RMC1: variants seen among roughly 807,000 people sequenced by gnomAD.
The protein encoded by RMC1 is regulator of MON1-CCZ1, also known as regulator of MON1-CCZ1 complex.
A neutral mutation model predicts 95.5 loss-of-function variants in RMC1; 44 were observed. The ratio of observed to expected loss-of-function variants is 0.46; its 90% confidence interval spans 0.36 to 0.59. The LOEUF (loss-of-function observed/expected upper bound fraction) is 0.59, where lower values mean the gene tolerates loss of function less well. Among genes scored for constraint, RMC1 ranks in the 20% least tolerant of loss-of-function variants. The probability of loss-of-function intolerance (pLI) is 0.00; values close to 1 mark genes in which losing one functional copy is unlikely to be tolerated. For missense variants in RMC1, 705 were observed against 819.6 expected (o/e 0.86, Z 1.71); for synonymous variants, 320 against 303.6 (o/e 1.05, Z -0.56).
At position 23,507,055 on chromosome 18, in the gene RMC1, G is replaced by T; in HGVS notation, c.264+1G>T. The T allele has an allele frequency of 6.3e-7, 1 of 1,586,208 alleles. No individual in the cohort carries two copies. The highest frequency in any genetic ancestry group is 8.6e-7 in the Non-Finnish European group (1 of 1,162,344). The stretch of plus-strand genomic sequence containing the variant: ...TGTTCAGAGGACCTCAAAGACTGTG[G>T]TAAGACTTATCTTTAAAATACAGCA... On this transcript the variant is annotated splice_donor_variant, in intron 3 of 19. Transcript: ENST00000269221. LOFTEE classifies it high-confidence loss of function.
chr18:23,524,701 A>C (rs1423160283), intron 12 of RMC1, among the ~76,000 whole-genome samples: 1 of 152,034 alleles, frequency 6.6e-6, no homozygotes, highest in Non-Finnish European at 1.5e-5. Flanking sequence ...ACAACTAAGA[A>C]TGCCATTCTC....
intron 12 of RMC1, among the ~76,000 whole-genome samples, chr18:23,525,420 TATAATA>T (rs527599580): frequency 2.3e-3 from 343 of 151,764 alleles, no homozygotes; most frequent in African/African-American, 7.1e-3. Context: ...GTTAATTTAT[TATAATA>T]ATAATAATAA....
rs1338336823 is a variant in RMC1, at chr18:23,516,505, C to T, written c.653+82C>T. 11 of 1,405,254 alleles carry T rather than the reference C, an allele frequency of 7.8e-6. No individual in the cohort carries two copies. The East Asian group carries it at 2.1e-4, about 27-fold the overall frequency. 87.0% of individuals were successfully genotyped at this position (1,405,254 alleles called of 1,614,324 possible). On this transcript the variant is annotated intron_variant, in intron 7 of 19. Transcript: ENST00000269221. ...TAGAAGGAGTGTGTTACAAGCACCA[C>T]GTGATGCCCTGACCCCTAGAACACA...
chr18:23,507,837 A>C (rs2057752810), intron 3 of RMC1, 148 bp from the exon 4 acceptor site: 1 of 556,546 alleles, frequency 1.8e-6, no homozygotes, highest in Non-Finnish European at 2.8e-6. Context: ...TGGTCTTTTT[A>C]TCTTTCCTGT....
chr18:23,519,211 G>A (rs994598278), intron 9 of RMC1, 37 bp downstream of exon 9: 6 of 1,579,210 alleles, frequency 3.8e-6, no homozygotes, highest in Non-Finnish European at 5.2e-6. Flanking sequence ...AGTTAAGGTT[G>A]CTTAAAAGCC....
chr18:23,503,471 T>TG (rs1415708015), upstream of RMC1: 1 of 383,312 alleles, frequency 2.6e-6, no homozygotes. Context: ...GTGGGCGGGG[T>TG]GGGGGCGTGG....
chr18:23,524,280 G>A, intron 11 of RMC1, 106 bp downstream of exon 11: 1 of 1,508,904 alleles, frequency 6.6e-7, no homozygotes, highest in East Asian at 2.3e-5. Flanking sequence ...CACTCCGAGA[G>A]CCACCCCGCA....
Position 23,529,632 on chromosome 18 carries a change from T to C in RMC1, c.1417-3T>C, listed in dbSNP as rs757043028. The C allele has an allele frequency of 2.1e-5, 34 of 1,613,712 alleles. No individual in the cohort carries two copies. Among genetic ancestry groups the C allele is most frequent in the Non-Finnish European group, 2.6e-5 (31 of 1,179,732 alleles). On this transcript the variant is annotated splice_region_variant and splice_polypyrimidine_tract_variant and intron_variant, in intron 15 of 19. Transcript: ENST00000269221. ...TTGTAAGACCACATTTTTTTCTCCC[T>C]AGGAGATGCCTCATAAATTTGTGAT...
At chr18:23,523,614 TCTGAAGG>T (rs2058208713) in intron 10 of RMC1, among the ~76,000 whole-genome samples, 1 of 145,678 alleles carries the variant, frequency 6.9e-6, no homozygotes, top group Admixed American at 6.9e-5. Flanking sequence ...TCCTAGCTAC[TCTGAAGG>T]CTGAGGCAGG....
rs1251850468 is a variant in RMC1, at chr18:23,529,240, C to A, written c.1358C>A (p.Ala453Glu). 2 of 1,614,044 alleles carry A rather than the reference C, an allele frequency of 1.2e-6. No homozygotes were observed. The highest frequency in any genetic ancestry group is 1.7e-6 in the Non-Finnish European group (2 of 1,180,010). ...CTCAAGAGGCCGGTGCGGACCCAGG[C>A]GGTGCTGGACCAGTCAGATGTGTAC... ...PLLKRPVRTQAVLDQSDVYTH... is the reference protein window; with the variant it reads ...PLLKRPVRTQEVLDQSDVYTH... The change falls in exon 15 of 20, where the codon GCG (alanine) becomes GAG (glutamate). Residue 453 changes from alanine to glutamate, a missense_variant. Ala to Glu is a moderately radical substitution (Grantham distance 107, BLOSUM62 -1). Transcript: ENST00000269221.
intron 1 of RMC1, among the ~76,000 whole-genome samples, chr18:23,504,000 C>T (rs1460824177): frequency 6.6e-6 from 1 of 152,214 alleles, no homozygotes; most frequent in Admixed American, 6.5e-5. Flanking sequence ...ATCTAGGCTT[C>T]TTTTGTTGTG....
At chr18:23,526,614 AT>A in intron 12 of RMC1, 22 bp from the exon 13 acceptor site, 1 of 1,612,324 alleles carries the variant, frequency 6.2e-7, no homozygotes. Flanking sequence ...ATACTGTTTT[AT>A]TTGCTGCCTC....
intron 7 of RMC1, among the ~76,000 whole-genome samples, chr18:23,517,475 A>C (rs1351416348): frequency 6.6e-6 from 1 of 152,082 alleles, no homozygotes; most frequent in East Asian, 1.9e-4. Context: ...CATTTGAAAA[A>C]GTGGATATCT....
At chr18:23,529,461 A>C in intron 15 of RMC1, 163 bp downstream of exon 15, 1 of 1,275,662 alleles carries the variant, frequency 7.8e-7, no homozygotes. Context: ...TCTAATGCTG[A>C]GGCCTAAAGC....
intron 12 of RMC1, 52 bp downstream of exon 12, chr18:23,524,534 G>T (rs1482089704): frequency 1.3e-6 from 2 of 1,582,690 alleles, no homozygotes; most frequent in African/African-American, 1.3e-5. Flanking sequence ...TGTTGACTTT[G>T]GATCCCAGTT....
At position 23,515,939 on chromosome 18, in the gene RMC1, C is replaced by T. The variant is rs778767316; in HGVS notation, c.492C>T (p.Ala164=). The T allele has an allele frequency of 5.0e-6, 8 of 1,614,046 alleles. No individual in the cohort carries two copies. The highest frequency in any genetic ancestry group is 4.5e-5 in the East Asian group (2 of 44,888). The change falls in exon 6 of 20, where the codon GCC becomes GCT. Residue 164 remains alanine (A), a synonymous_variant. Coordinates refer to ENST00000269221, the MANE Select transcript of RMC1 (RefSeq NM_013326.5). ...VNWYMYCPES[A]VILLSTTVLE... is the part of the protein sequence containing the mutation. ...GGTACATGTACTGCCCCGAGAGCGC[C>T]GTGATCTTGCTGTCTACCACGGTCC...
chr18:23,514,777 A>T (rs1446141599), intron 5 of RMC1, among the ~76,000 whole-genome samples: 1 of 152,176 alleles, frequency 6.6e-6, no homozygotes, highest in Non-Finnish European at 1.5e-5. Flanking sequence ...CAGATCTTCA[A>T]GAAAAAAGTT....
chr18:23,531,489 A>AC (rs2058505170), intron 19 of RMC1, 136 bp from the exon 20 acceptor site: 2 of 1,455,482 alleles, frequency 1.4e-6, no homozygotes, highest in Non-Finnish European at 1.8e-6. Context: ...AGATAGGGTA[A>AC]CCCCAAAACT....
intron 2 of RMC1, 39 bp from the exon 3 acceptor site, chr18:23,506,931 T>G: frequency 7.3e-7 from 1 of 1,366,550 alleles, no homozygotes; most frequent in East Asian, 2.3e-5. Flanking sequence ...TAGCTAGAAT[T>G]CGGTTATTTA....
Sources: gnomAD v4.1 joint callset for allele counts (sites outside exome capture counted in the v4.1 genomes callset) on GRCh38, gnomAD v4.1.1 for gene constraint, MANE v1.5 for transcripts, NCBI Gene and HGNC (gene_info 2026-07-23, HGNC 2026-07-21) for gene names.